Variants in OXR1 observed in about 807,000 individuals in gnomAD.
OXR1 encodes the protein oxidation resistance 1.
Under a neutral mutation model 104.6 loss-of-function variants are expected in OXR1, and 41 were observed. The observed-to-expected ratio is 0.39, with a 90% CI of 0.31 to 0.51. The LOEUF (loss-of-function observed/expected upper bound fraction) is 0.51. Ranked by LOEUF, OXR1 falls within the 20% of genes least tolerant of loss-of-function variation. OXR1 has a pLI of 0.77. For synonymous variants in OXR1, 348 were observed against 348.4 expected, an observed-to-expected ratio of 1.00 and a Z score of 0.01; for missense variants, 955 against 1,031.9, an observed-to-expected ratio of 0.93 and a Z score of 1.02.
intron 8 of OXR1, among the ~76,000 whole-genome samples, chr8:106,704,393 C>CTTTTTTTTTTTTTTTTT (rs71307084): frequency 1.0e-4 from 5 of 47,890 alleles, no homozygotes; most frequent in African/African-American, 4.0e-4. Flanking sequence ...CTTTCTTCTT[C>CTTTTTTTTTTTTTTTTT]TTTTTTTTTT....
intron 2 of OXR1, among the ~76,000 whole-genome samples, chr8:106,399,613 C>A (rs1817921236): frequency 6.6e-6 from 1 of 152,142 alleles, no homozygotes; most frequent in Non-Finnish European, 1.5e-5. Flanking sequence ...TGATTAGAAA[C>A]CCTCTTTTGA....
At chr8:106,704,086 C>T (rs975254634) in intron 8 of OXR1, among the ~76,000 whole-genome samples, 1 of 152,092 alleles carries the variant, frequency 6.6e-6, no homozygotes, top group African/African-American at 2.4e-5. Flanking sequence ...AAAGTCTCCA[C>T]TGTACCTTCC....
At chr8:106,572,711 G>A (rs1204524434) in intron 3 of OXR1, among the ~76,000 whole-genome samples, 3 of 150,924 alleles carry the variant, frequency 2.0e-5, no homozygotes, top group Non-Finnish European at 4.5e-5. Context: ...TTTTCTTCAT[G>A]TCTGTCTAAG....
At chr8:106,615,113 G>A (rs1307291087) in intron 3 of OXR1, among the ~76,000 whole-genome samples, 1 of 152,080 alleles carries the variant, frequency 6.6e-6, no homozygotes, top group Admixed American at 6.5e-5. Flanking sequence ...GAGCTCAAGA[G>A]TTTGAGACTA....
intron 11 of OXR1, among the ~76,000 whole-genome samples, chr8:106,726,952 T>A (rs946129948): frequency 1.3e-5 from 2 of 152,224 alleles, no homozygotes. Context: ...AATGTTTATT[T>A]TATTTTCACT....
chr8:106,511,942 T>C (rs926319080), intron 2 of OXR1, among the ~76,000 whole-genome samples: 1 of 152,170 alleles, frequency 6.6e-6, no homozygotes, highest in Non-Finnish European at 1.5e-5. Context: ...CTCATAAGCT[T>C]GTTGTGATCA....
intron 2 of OXR1, chr8:106,447,845 C>CT (rs1820078232): frequency 2.1e-6 from 3 of 1,416,558 alleles, no homozygotes; most frequent in Non-Finnish European, 2.8e-6. Flanking sequence ...ATTTGGGTCT[C>CT]TTTTTGCCTT....
chr8:106,651,399 A>G (rs1434155954), intron 3 of OXR1, among the ~76,000 whole-genome samples: 1 of 152,130 alleles, frequency 6.6e-6, no homozygotes, highest in Non-Finnish European at 1.5e-5. Flanking sequence ...TAAGTCATAC[A>G]CTTATGTCTT....
At chr8:106,579,791 C>T (rs943982818) in intron 3 of OXR1, among the ~76,000 whole-genome samples, 7 of 151,746 alleles carry the variant, frequency 4.6e-5, no homozygotes, top group Non-Finnish European at 1.0e-4. Context: ...TATAATTGAG[C>T]CCTCACAATC....
chr8:106,562,256 T>C (rs543985586), intron 3 of OXR1, among the ~76,000 whole-genome samples: 1 of 151,932 alleles, frequency 6.6e-6, no homozygotes, highest in East Asian at 1.9e-4. Flanking sequence ...CTATCTATAA[T>C]ACCCGTTTAG....
At chr8:106,286,534 C>T (rs1812509239) in intron 1 of OXR1, among the ~76,000 whole-genome samples, 1 of 151,982 alleles carries the variant, frequency 6.6e-6, no homozygotes, top group South Asian at 2.1e-4. Context: ...GTAAGTGAGA[C>T]CAAAGAAGGT....
intron 2 of OXR1, among the ~76,000 whole-genome samples, chr8:106,446,627 A>G (rs1820021884): frequency 6.6e-6 from 1 of 152,028 alleles, no homozygotes. Context: ...CAAAAAAAAA[A>G]AAACTAAAAA....
intron 1 of OXR1, among the ~76,000 whole-genome samples, chr8:106,353,443 A>G (rs1006170345): frequency 1.3e-5 from 2 of 151,780 alleles, no homozygotes; most frequent in African/African-American, 4.8e-5. Context: ...TCTTTCCCCA[A>G]TGATTGACTT....
intron 2 of OXR1, among the ~76,000 whole-genome samples, chr8:106,381,135 A>G (rs972813739): frequency 2.0e-5 from 3 of 152,188 alleles, no homozygotes; most frequent in African/African-American, 7.2e-5. Context: ...AAGAATAGAT[A>G]GCTGAATATT....
intron 1 of OXR1, among the ~76,000 whole-genome samples, chr8:106,300,037 A>C (rs531376102): frequency 6.6e-6 from 1 of 152,218 alleles, no homozygotes; most frequent in South Asian, 2.1e-4. Flanking sequence ...AGAGCATATA[A>C]ATGTAAAGCA....
intron 3 of OXR1, among the ~76,000 whole-genome samples, chr8:106,573,332 T>C (rs1205108702): frequency 7.9e-6 from 1 of 125,926 alleles, no homozygotes; most frequent in Admixed American, 9.0e-5. Flanking sequence ...ACACCTACAA[T>C]TAACCATCAC....
chr8:106,631,211 GTTCC>G (rs1563655378), intron 3 of OXR1, among the ~76,000 whole-genome samples: 1 of 152,136 alleles, frequency 6.6e-6, no homozygotes, highest in Non-Finnish European at 1.5e-5. Context: ...TTATACCCTA[GTTCC>G]TTCCTTTATT....
intron 4 of OXR1, among the ~76,000 whole-genome samples, chr8:106,682,286 T>G (rs1450346290): frequency 1.3e-4 from 19 of 148,420 alleles, no homozygotes; most frequent in African/African-American, 4.7e-4. Context: ...TTTTTTTTTT[T>G]GAGACAGAGT....
chr8:106,518,438 A>G lies in OXR1; in HGVS notation c.24-505A>G, dbSNP rs142261312. On this transcript the variant is annotated intron_variant, in intron 2 of 16. Coordinates refer to ENST00000517566, the MANE Select transcript of OXR1 (RefSeq NM_001198533.2). ...TATCTAAAATGTAGAAGTGAGCAAC[A>G]CATTTATTGTTACTGAGAATGCATA... is the stretch of plus-strand genomic sequence containing the variant. 2.6e-3 allele frequency among the ~76,000 whole-genome samples: 403 copies of G among 152,338 alleles called. 1 individual carries two copies. The highest frequency in any genetic ancestry group is 9.2e-3 in the African/African-American group (382 of 41,578).
Sources: allele counts gnomAD v4.1 joint callset (sites outside exome capture counted in the v4.1 genomes callset), GRCh38; gene constraint gnomAD v4.1.1; transcripts MANE v1.5; gene names NCBI Gene and HGNC (gene_info 2026-07-23, HGNC 2026-07-21).